Variants in CBLC observed in about 807,000 individuals in gnomAD.
CBLC encodes the protein Cbl proto-oncogene C.
Under a neutral mutation model 58.6 loss-of-function variants are expected in CBLC, and 46 were observed. The observed-to-expected ratio is 0.79, with a 90% CI of 0.62 to 1.00. The LOEUF is 1.00. Ranked by LOEUF, CBLC falls within the 50% of genes least tolerant of loss-of-function variation. The pLI is 0.00. For synonymous variants in CBLC, 271 were observed against 264.2 expected, an observed-to-expected ratio of 1.03 and a Z score of -0.25; for missense variants, 655 against 625.8, an observed-to-expected ratio of 1.05 and a Z score of -0.50.
rs1422231091 is a variant in CBLC at position 44,793,606 on chromosome 19, T to C, written c.1270T>C (p.Leu424=). The C allele has an allele frequency of 1.2e-6, 2 of 1,602,420 alleles. No individual in the cohort carries two copies. The highest frequency in any genetic ancestry group is 1.7e-6 in the Non-Finnish European group (2 of 1,175,924). The part of the protein sequence containing the change: ...GNSSDQEGRE[L]ELGQVPLSAP... Reference sequence around the variant, plus strand: ...CAGCAGTGACCAGGAAGGCAGGGAGTTGGAGCTGGGGCAGGTGAGCAGGGC... The same window carrying C: ...CAGCAGTGACCAGGAAGGCAGGGAGCTGGAGCTGGGGCAGGTGAGCAGGGC... The change falls in exon 8 of 11, where the codon TTG becomes CTG. Residue 424 remains leucine, a synonymous_variant. Coordinates refer to ENST00000647358, the MANE Select transcript of CBLC (RefSeq NM_012116.4).
In CBLC at chr19:44,790,426, A is replaced by T. The variant is rs531988145; in HGVS notation, c.1005+335A>T. Among the ~76,000 whole-genome samples the T allele has an allele frequency of 1.7e-3, 264 of 152,012 alleles. 1 individual carries two copies. Among genetic ancestry groups the T allele is most frequent in the Middle Eastern group, 0.01 (3 of 294 alleles). On this transcript the variant is annotated intron_variant, in intron 6 of 10. Transcript: ENST00000647358. ...AGAAAAACAACAATAACAAATAAAT[A>T]ATTTATTTTTTATTTATTTTTATTT...
In CBLC at chr19:44,793,507, T is replaced by C; in HGVS notation, c.1171T>C (p.Cys391Arg). Residue 391 changes from cysteine to arginine, a missense_variant, in exon 8 of 11, where the codon TGC becomes CGC. Cys to Arg is a radical substitution (Grantham distance 180). Coordinates refer to ENST00000647358, the MANE Select transcript of CBLC (RefSeq NM_012116.4). ...CAGCCAGACCTGCCCCTTCTGCCGC[T>C]GCGAGATCAAGGGCTGGGAGGCCGT... is the stretch of plus-strand genomic sequence containing the variant. ...SDSQTCPFCR[C>R]EIKGWEAVSI... is the part of the protein sequence containing the mutation. 6.2e-7 allele frequency: 1 copy of C among 1,612,514 alleles called. No homozygotes were observed. The highest frequency in any genetic ancestry group is 8.5e-7 in the Non-Finnish European group (1 of 1,179,414).
At chr19:44,789,178 C>T (rs10401942) in intron 5 of CBLC, among the ~76,000 whole-genome samples, 3,002 of 152,268 alleles carry the variant, frequency 0.02, 94 homozygotes, top group African/African-American at 0.067. Context: ...CCCTGGTTCT[C>T]GGTCTCTCTG....
At chr19:44,797,767 T>C (rs1187101480) in intron 9 of CBLC, among the ~76,000 whole-genome samples, 2 of 146,884 alleles carry the variant, frequency 1.4e-5, no homozygotes, top group African/African-American at 2.5e-5. Context: ...AAAAAAAAAA[T>C]AGGGTCTCTG....
rs550694329 is a variant in CBLC, at chr19:44,781,492, G to A, written c.657+129G>A. ...TCCTGGATCTGAGGGAGGAGGGGCCGGGGCCTGGACTCCTGGGTCTGAGGG... is the reference window on the plus strand; with the variant it reads ...TCCTGGATCTGAGGGAGGAGGGGCCAGGGCCTGGACTCCTGGGTCTGAGGG... On this transcript the variant is annotated intron_variant, in intron 3 of 10. Coordinates refer to ENST00000647358, the MANE Select transcript of CBLC (RefSeq NM_012116.4). The A allele has an allele frequency of 3.0e-4, 272 of 908,608 alleles. 2 individuals are homozygous for A. The highest frequency in any genetic ancestry group is 2.1e-3 in the Middle Eastern group (8 of 3,740). 56.3% of individuals were successfully genotyped at this position (908,608 alleles called of 1,614,324 possible).
chr19:44,793,428 T>G, intron 7 of CBLC, 46 bp from the exon 8 acceptor site: 3 of 1,538,440 alleles, frequency 2.0e-6, no homozygotes, highest in South Asian at 2.5e-5. Flanking sequence ...AGGGACAGGA[T>G]GGAGAGCAGG....
intron 4 of CBLC, among the ~76,000 whole-genome samples, chr19:44,783,645 C>T (rs1291702688): frequency 1.3e-5 from 2 of 152,146 alleles, no homozygotes; most frequent in Non-Finnish European, 2.9e-5. Context: ...CCCGCCACTG[C>T]ACTCCAGCCT....
intron 5 of CBLC, among the ~76,000 whole-genome samples, chr19:44,784,951 T>TTG (rs2122430932): frequency 1.6e-5 from 1 of 61,786 alleles, no homozygotes; most frequent in Non-Finnish European, 3.0e-5. Context: ...TAGACAGGTG[T>TTG]TTTTTTTTTT....
intron 4 of CBLC, among the ~76,000 whole-genome samples, chr19:44,783,749 T>A (rs1967810864): frequency 1.3e-5 from 2 of 152,168 alleles, no homozygotes; most frequent in South Asian, 4.1e-4. Context: ...ATCCAGGTGC[T>A]CAATGGCTAC....
At chr19:44,781,176 G>A (rs372353828) in intron 2 of CBLC, 31 bp from the exon 3 acceptor site, 158 of 1,593,224 alleles carry the variant, frequency 9.9e-5, no homozygotes, top group Admixed American at 3.1e-4. Context: ...GGAGGCCTCA[G>A]CGGTGTCTCC....
chr19:44,796,879 G>A (rs1968189265), intron 9 of CBLC, among the ~76,000 whole-genome samples: 1 of 147,708 alleles, frequency 6.8e-6, no homozygotes, highest in South Asian at 2.3e-4. Flanking sequence ...TTCGACCACA[G>A]CAAACAAGAG....
chr19:44,796,875 C>T (rs1394021730), intron 9 of CBLC, among the ~76,000 whole-genome samples: 2 of 151,346 alleles, frequency 1.3e-5, no homozygotes, highest in Non-Finnish European at 2.9e-5. Context: ...ATTATTCGAC[C>T]ACAGCAAACA....
intron 5 of CBLC, among the ~76,000 whole-genome samples, chr19:44,787,012 G>A (rs1230250980): frequency 6.6e-6 from 1 of 152,162 alleles, no homozygotes; most frequent in Non-Finnish European, 1.5e-5. Flanking sequence ...TTGAACCCGG[G>A]AGGTTGAGGC....
At chr19:44,794,374 G>GAT in intron 9 of CBLC, 93 bp downstream of exon 9, 2 of 1,175,558 alleles carry the variant, frequency 1.7e-6, no homozygotes, top group Non-Finnish European at 2.5e-6. Context: ...GCCAGGGCAG[G>GAT]GACTCATCCT....
rs767823003 is a variant in CBLC at position 44,777,903 on chromosome 19, C to G, written c.-29C>G. The G allele has an allele frequency of 6.6e-7, 1 of 1,510,254 alleles. No individual in the cohort carries two copies. 93.6% of individuals were successfully genotyped at this position (1,510,254 alleles called of 1,614,324 possible). Reference sequence around the variant, plus strand: ...GAGGCCGCCCCTATCCCAGCCGCACCGGTCCTTCCCGGCACACGCGAGGCT... The same window carrying G: ...GAGGCCGCCCCTATCCCAGCCGCACGGGTCCTTCCCGGCACACGCGAGGCT... On this transcript the variant is annotated 5_prime_UTR_variant, in exon 1 of 11. Coordinates refer to ENST00000647358, the MANE Select transcript of CBLC (RefSeq NM_012116.4).
At chr19:44,799,032 A>C (rs1348319126) in intron 9 of CBLC, among the ~76,000 whole-genome samples, 1 of 152,132 alleles carries the variant, frequency 6.6e-6, no homozygotes, top group Non-Finnish European at 1.5e-5. Flanking sequence ...TCTCCCAGGC[A>C]CTTTGAAGGA....
At chr19:44,789,249 G>A (rs533883368) in intron 5 of CBLC, among the ~76,000 whole-genome samples, 8 of 152,314 alleles carry the variant, frequency 5.3e-5, no homozygotes, top group African/African-American at 1.9e-4. Flanking sequence ...GTCACTGTCT[G>A]TGAGGGAAGA....
rs777137191 is a variant in CBLC, at chr19:44,794,162, G to T, written c.1285-42G>T. 3 of 1,579,450 alleles carry T rather than the reference G, an allele frequency of 1.9e-6. No homozygotes were observed. In the South Asian group the frequency reaches 3.5e-5, roughly 18 times the overall value. The stretch of plus-strand genomic sequence containing the variant: ...GAGAACATGGAGGCGAGAAGAAAAT[G>T]GCAGCTCACAAGCCCCTTCTCCTTC... On this transcript the variant is annotated intron_variant, in intron 8 of 10. Coordinates refer to ENST00000647358, the MANE Select transcript of CBLC (RefSeq NM_012116.4).
intron 2 of CBLC, 42 bp downstream of exon 2, chr19:44,781,093 C>T (rs186238294): frequency 6.3e-6 from 10 of 1,594,722 alleles, no homozygotes; most frequent in Admixed American, 5.1e-5. Context: ...CCCCATCCTG[C>T]CCTGGCCCAG....
Sources: gnomAD v4.1 joint callset for allele counts (sites outside exome capture counted in the v4.1 genomes callset) on GRCh38, gnomAD v4.1.1 for gene constraint, MANE v1.5 for transcripts, NCBI Gene and HGNC (gene_info 2026-07-23, HGNC 2026-07-21) for gene names.